The following PRAME variants were observed in gnomAD, a reference collection of about 807,000 sequenced individuals.
PRAME encodes the protein PRAME nuclear receptor transcriptional regulator.
A neutral mutation model predicts 32.1 loss-of-function variants in PRAME; 21 were observed. That is an observed-to-expected ratio of 0.65 (90% CI 0.46 to 0.94). PRAME has a LOEUF of 0.94. Among genes scored for constraint, PRAME ranks in the 40% least tolerant of loss-of-function variants. The pLI, the probability that PRAME is intolerant of heterozygous loss-of-function variation, is 0.00. For synonymous variants in PRAME, 274 were observed against 251.5 expected, an observed-to-expected ratio of 1.09 and a Z score of -0.85; for missense variants, 651 against 622.3, an observed-to-expected ratio of 1.05 and a Z score of -0.49.
chr22:22,554,915 T>TAATCTCTGAGCTGTGC (rs1264363078), intron 3 of PRAME, among the ~76,000 whole-genome samples: 7 of 151,932 alleles, frequency 4.6e-5, no homozygotes, highest in Non-Finnish European at 1.0e-4. Context: ...GTGAGTTGTG[T>TAATCTCTGAGCTGTGC]AATCTCTGAG....
At chr22:22,554,080 A>T in intron 3 of PRAME, 1 of 971,674 alleles carries the variant, frequency 1.0e-6, no homozygotes, top group Non-Finnish European at 1.2e-6. Flanking sequence ...GGCACAGTGC[A>T]CAAATACATT....
chr22:22,554,076 G>A (rs1459869160), intron 3 of PRAME: 3 of 979,306 alleles, frequency 3.1e-6, no homozygotes, highest in Non-Finnish European at 3.6e-6. Context: ...GCTAGGCACA[G>A]TGCACAAATA....
intron 3 of PRAME, chr22:22,555,848 A>G (rs2062875012): frequency 2.1e-6 from 1 of 470,306 alleles, no homozygotes; most frequent in African/African-American, 2.0e-5. Context: ...CTAATGGCCC[A>G]AGCCCATGGG....
At chr22:22,549,116 C>G (rs941061686) in intron 5 of PRAME, among the ~76,000 whole-genome samples, 1 of 151,904 alleles carries the variant, frequency 6.6e-6, no homozygotes, top group African/African-American at 2.4e-5. Flanking sequence ...GGGGCAAGGT[C>G]AGCAACATCC....
chr22:22,557,173 G>A (rs958590248), intron 2 of PRAME: 9 of 393,490 alleles, frequency 2.3e-5, no homozygotes, highest in Middle Eastern at 7.7e-4. Flanking sequence ...CGGTCTTGCA[G>A]CGACATTTCT....
Position 22,549,831 on chromosome 22 carries a change from T to C in PRAME, c.848A>G (p.Gln283Arg). ...SSYISPEKEEQYIAQFTSQFL... is the reference protein window; with the variant it reads ...SSYISPEKEERYIAQFTSQFL... ...CTGAGAGGTGAACTGGGCGATATAC[T>C]GCTCTTCCTTCTCCGGGGAAATGTA... The change falls in exon 5 of 6, where the codon CAG (glutamine) becomes CGG (arginine). Residue 283 changes from glutamine to arginine, a missense_variant. Physicochemically the swap from Gln to Arg is conservative, Grantham distance 43. Transcript: ENST00000405655. The C allele has an allele frequency of 6.2e-7, 1 of 1,613,804 alleles. No homozygotes were observed. The highest frequency in any genetic ancestry group is 8.5e-7 in the Non-Finnish European group (1 of 1,179,954).
chr22:22,553,686 G>C (rs1381967817), intron 3 of PRAME: 1 of 588,290 alleles, frequency 1.7e-6, no homozygotes, highest in Non-Finnish European at 2.1e-6. Context: ...GTGGGATAGA[G>C]AGTAATATTG....
rs1191211973 is a variant in PRAME at position 22,550,939 on chromosome 22, T to C, written c.172A>G (p.Met58Val). Residue 58 changes from methionine to valine, a missense_variant, in exon 4 of 6, where the codon ATG becomes GTG. Physicochemically the swap from Met to Val is conservative, Grantham distance 21. Transcript: ENST00000405655. Reference protein sequence around the residue: ...LPRELFPPLFMAAFDGRHSQT... With the variant: ...LPRELFPPLFVAAFDGRHSQT... ...CTGTGTCTCCCGTCAAAGGCTGCCATGAAGAGTGGCGGGAAGAGCTCCCTG... is the reference window on the plus strand; with the variant it reads ...CTGTGTCTCCCGTCAAAGGCTGCCACGAAGAGTGGCGGGAAGAGCTCCCTG... 3.7e-6 allele frequency: 6 copies of C among 1,613,682 alleles called. No homozygotes were observed. Among genetic ancestry groups the C allele is most frequent in the African/African-American group, 1.3e-5 (1 of 74,830 alleles).
At chr22:22,554,538 C>G (rs1376689983) in intron 3 of PRAME, among the ~76,000 whole-genome samples, 1 of 151,914 alleles carries the variant, frequency 6.6e-6, no homozygotes, top group Non-Finnish European at 1.5e-5. Context: ...GTCAATGTCC[C>G]TAATTATCAA....
intron 3 of PRAME, among the ~76,000 whole-genome samples, chr22:22,552,134 AG>A (rs1347975119): frequency 6.6e-6 from 1 of 150,978 alleles, no homozygotes; most frequent in Non-Finnish European, 1.5e-5. Context: ...AAAAAAAAAA[AG>A]AAAAAAAAGA....
At chr22:22,557,097 G>C (rs1569230637) in intron 2 of PRAME, 188 bp from the exon 3 acceptor site, 2 of 553,452 alleles carry the variant, frequency 3.6e-6, no homozygotes, top group Non-Finnish European at 6.5e-6. Context: ...CTGAACCAGG[G>C]GGCAGGAGGA....
Position 22,550,078 on chromosome 22 carries a change from G to A in PRAME, c.601C>T (p.Arg201Ter), listed in dbSNP as rs1004496027. Reference protein sequence around the residue: ...LFSYLIEKVKRKKNVLRLCCK... With the variant: ...LFSYLIEKVK ...CACAGGCGTAGTACATTTTTCTTTC[G>A]CTTCACTTTCTCAATGAGGTAGGAG... is the stretch of plus-strand genomic sequence containing the variant. The change falls in exon 5 of 6, where the codon CGA becomes TGA. Residue 201 changes from arginine (R) to a stop codon, truncating the protein, a stop_gained. Transcript: ENST00000405655. LOFTEE classifies it high-confidence loss of function. 3.1e-6 allele frequency: 5 copies of A among 1,613,644 alleles called. No homozygotes were observed. In the East Asian group the frequency reaches 6.7e-5, roughly 22 times the overall value.
At position 22,547,974 on chromosome 22, in the gene PRAME, G is replaced by T. The variant is rs2062342169; in HGVS notation, c.*93C>A. The T allele has an allele frequency of 1.4e-5, 18 of 1,332,332 alleles. No individual in the cohort carries two copies. The highest frequency in any genetic ancestry group is 9.8e-5 in the South Asian group (7 of 71,484). The allele number at this position is 1,332,332 out of a possible 1,614,324, so 82.5% of individuals were successfully genotyped here. On this transcript the variant is annotated 3_prime_UTR_variant, in exon 6 of 6. Coordinates refer to ENST00000405655, the MANE Select transcript of PRAME (RefSeq NM_206956.3). The stretch of plus-strand genomic sequence containing the variant: ...CCTCACTCACACTGAACATTTGTCT[G>T]AAACTGTGGCTGCTTTGTTGCTTCA...
Position 22,550,087 on chromosome 22 carries a change from T to C in PRAME, c.592A>G (p.Lys198Glu), listed in dbSNP as rs1214736359. 3 of 1,613,928 alleles carry C rather than the reference T, an allele frequency of 1.9e-6. No homozygotes were observed. Among genetic ancestry groups the C allele is most frequent in the South Asian group, 2.2e-5 (2 of 91,070 alleles). The change falls in exon 5 of 6, where the codon AAA becomes GAA. Residue 198 changes from lysine to glutamate, a missense_variant. By Grantham distance (56) the Lys-to-Glu change is moderately conservative (BLOSUM62 1). Transcript: ENST00000405655. ...CDELFSYLIEKVKRKKNVLRL... is the reference protein window; with the variant it reads ...CDELFSYLIEEVKRKKNVLRL... ...AGTACATTTTTCTTTCGCTTCACTT[T>C]CTCAATGAGGTAGGAGAACAATTCA...
At chr22:22,555,691 C>T (rs903928933) in intron 3 of PRAME, 4 of 342,626 alleles carry the variant, frequency 1.2e-5, no homozygotes, top group Admixed American at 1.0e-4. Context: ...CACAGTCCAA[C>T]GCACTGTGCC....
chr22:22,550,744 C>G, intron 4 of PRAME, 23 bp downstream of exon 4: 1 of 1,550,928 alleles, frequency 6.4e-7, no homozygotes, highest in African/African-American at 1.4e-5. Context: ...GGGCCCCACA[C>G]CAAGCTGCTA....
intron 2 of PRAME, chr22:22,557,142 T>C (rs903050160): frequency 1.2e-4 from 58 of 476,530 alleles, no homozygotes; most frequent in Non-Finnish European, 1.9e-4. Context: ...AAGTGACCCC[T>C]GTGGTCAAGG....
At position 22,551,022 on chromosome 22, in the gene PRAME, G is replaced by A. The variant is rs749865556; in HGVS notation, c.89C>T (p.Ala30Val). The part of the protein sequence containing the change: ...WTSPRRLVEL[A>V]GQSLLKDEAL... ...CTCATCCTTCAGCAGGCTCTGCCCTGCCAGCTCCACAAGTCTCCGTGGGCT... is the reference window on the plus strand; with the variant it reads ...CTCATCCTTCAGCAGGCTCTGCCCTACCAGCTCCACAAGTCTCCGTGGGCT... The change falls in exon 4 of 6, where the codon GCA becomes GTA. Residue 30 changes from alanine to valine, a missense_variant. Transcript: ENST00000405655. 6.2e-7 allele frequency: 1 copy of A among 1,611,570 alleles called. No individual in the cohort carries two copies. Among genetic ancestry groups the A allele is most frequent in the South Asian group, 1.1e-5 (1 of 90,924 alleles).
At chr22:22,558,504 G>A (rs933583320) in intron 1 of PRAME, among the ~76,000 whole-genome samples, 4 of 101,338 alleles carry the variant, frequency 3.9e-5, no homozygotes, top group Admixed American at 1.0e-4. Flanking sequence ...GGTTGGGGAG[G>A]GGGAGGGAAA....
Sources: allele counts gnomAD v4.1 joint callset (sites outside exome capture counted in the v4.1 genomes callset), GRCh38; gene constraint gnomAD v4.1.1; transcripts MANE v1.5; gene names NCBI Gene and HGNC (gene_info 2026-07-23, HGNC 2026-07-21).